GAS7: variants seen among roughly 807,000 people sequenced by gnomAD.
The protein encoded by GAS7 is growth arrest-specific protein 7.
Under a neutral mutation model 71.1 loss-of-function variants are expected in GAS7, and 28 were observed. The observed-to-expected ratio is 0.39, with a 90% CI of 0.29 to 0.54. The LOEUF is 0.54. GAS7 is among the 20% of genes least tolerant of loss of function. The pLI, the probability that GAS7 is intolerant of heterozygous loss-of-function variation, is 0.62. For synonymous variants in GAS7, 258 were observed against 245.8 expected (o/e 1.05, Z -0.46); for missense variants, 436 against 627.8 (o/e 0.69, Z 3.27).
At chr17:9,943,691 G>A (rs1420525032) in intron 6 of GAS7, among the ~76,000 whole-genome samples, 1 of 152,130 alleles carries the variant, frequency 6.6e-6, no homozygotes, top group Non-Finnish European at 1.5e-5. Flanking sequence ...TCTTACACTG[G>A]TAGGGCAGTG....
intron 1 of GAS7, among the ~76,000 whole-genome samples, chr17:10,149,088 G>A (rs142548123): frequency 3.9e-4 from 59 of 152,176 alleles, no homozygotes; most frequent in African/African-American, 1.4e-3. Flanking sequence ...TCATTTTTAT[G>A]TATTTATTTT....
chr17:10,166,438 T>G (rs1050786252), intron 1 of GAS7, among the ~76,000 whole-genome samples: 4 of 152,240 alleles, frequency 2.6e-5, no homozygotes, highest in African/African-American at 9.6e-5. Context: ...AATACCAAGT[T>G]AGGAAAATAT....
intron 1 of GAS7, among the ~76,000 whole-genome samples, chr17:10,158,345 A>AAACAAAAAAC (rs2074221907): frequency 2.7e-5 from 4 of 147,354 alleles, no homozygotes; most frequent in Admixed American, 1.3e-4. Context: ...GTAAAAAAAA[A>AAACAAAAAAC]AAAAAAAAAA....
intron 1 of GAS7, among the ~76,000 whole-genome samples, chr17:10,093,798 A>T (rs918579924): frequency 6.6e-6 from 1 of 152,138 alleles, no homozygotes. Context: ...TTCACTGAAC[A>T]CTACTACGTA....
intron 1 of GAS7, among the ~76,000 whole-genome samples, chr17:10,065,320 C>T (rs2073270533): frequency 2.0e-5 from 3 of 152,206 alleles, no homozygotes; most frequent in African/African-American, 7.2e-5. Context: ...GCCACTATAA[C>T]ACTTGGTGTC....
chr17:10,068,193 A>G (rs2073302705), intron 1 of GAS7, among the ~76,000 whole-genome samples: 1 of 152,122 alleles, frequency 6.6e-6, no homozygotes, highest in Admixed American at 6.5e-5. Context: ...GCACCCCCAT[A>G]TGCACTTGAT....
intron 1 of GAS7, among the ~76,000 whole-genome samples, chr17:10,152,002 T>G (rs1436056876): frequency 6.6e-6 from 1 of 152,142 alleles, no homozygotes; most frequent in African/African-American, 2.4e-5. Flanking sequence ...AATCCACAAG[T>G]TTAAGCCAAC....
intron 1 of GAS7, among the ~76,000 whole-genome samples, chr17:10,089,714 G>T (rs373285124): frequency 1.3e-5 from 2 of 151,932 alleles, no homozygotes; most frequent in Non-Finnish European, 2.9e-5. Context: ...GGGGAGAAAG[G>T]TAAGGAGGAG....
At chr17:9,957,125 A>C (rs1359283000) in intron 5 of GAS7, among the ~76,000 whole-genome samples, 1 of 44,378 alleles carries the variant, frequency 2.3e-5, no homozygotes, top group Non-Finnish European at 7.9e-5. Flanking sequence ...TTTCTCTGGC[A>C]AAAAAATTCT....
chr17:10,092,391 T>C (rs1025453076), intron 1 of GAS7, among the ~76,000 whole-genome samples: 1 of 152,126 alleles, frequency 6.6e-6, no homozygotes, highest in African/African-American at 2.4e-5. Flanking sequence ...ATCTAAACAG[T>C]GAGGGCAGGG....
At chr17:10,171,186 C>T (rs140907800) in intron 1 of GAS7, among the ~76,000 whole-genome samples, 2 of 152,228 alleles carry the variant, frequency 1.3e-5, no homozygotes, top group African/African-American at 2.4e-5. Context: ...TGGAAGAAAC[C>T]CAGAGGTGTT....
chr17:10,192,643 T>A (rs1412264219), intron 1 of GAS7, among the ~76,000 whole-genome samples: 3 of 152,176 alleles, frequency 2.0e-5, no homozygotes, highest in Non-Finnish European at 4.4e-5. Flanking sequence ...AGGGAACTTT[T>A]GTGAAAATGC....
At chr17:9,925,383 A>C in intron 11 of GAS7, 93 bp downstream of exon 11, 10 of 1,295,644 alleles carry the variant, frequency 7.7e-6, no homozygotes, top group African/African-American at 1.5e-5. Flanking sequence ...CTTGCAAAGG[A>C]GAGATGCACC....
chr17:10,006,968 T>C (rs371962167), intron 2 of GAS7, among the ~76,000 whole-genome samples: 1 of 152,236 alleles, frequency 6.6e-6, no homozygotes, highest in Admixed American at 6.5e-5. Flanking sequence ...TTTATGATTA[T>C]ATAACCTTTA....
chr17:10,039,625 G>C (rs1597737445), intron 1 of GAS7: 1 of 391,730 alleles, frequency 2.6e-6, no homozygotes, highest in East Asian at 7.5e-5. Context: ...AGAGGTTGTA[G>C]TGAGCCAAGA....
intron 1 of GAS7, among the ~76,000 whole-genome samples, chr17:10,180,781 T>C (rs1161632743): frequency 5.3e-5 from 8 of 152,030 alleles, no homozygotes; most frequent in Non-Finnish European, 7.4e-5. Flanking sequence ...TTATTGTTAC[T>C]TTTTTCCCCA....
At chr17:10,035,652 T>A (rs2072730855) in intron 1 of GAS7, among the ~76,000 whole-genome samples, 1 of 152,072 alleles carries the variant, frequency 6.6e-6, no homozygotes, top group Non-Finnish European at 1.5e-5. Flanking sequence ...CTCACAGCTG[T>A]ACAGAGCCTC....
At chr17:10,021,763 T>C (rs950141192) in intron 1 of GAS7, among the ~76,000 whole-genome samples, 4 of 152,212 alleles carry the variant, frequency 2.6e-5, no homozygotes, top group African/African-American at 9.6e-5. Context: ...CTCACTGCTT[T>C]GGACTCTCCA....
rs1597848153 is a variant in GAS7, at chr17:10,194,694, C to A, written c.183+3514G>T. On this transcript the variant is annotated intron_variant, in intron 1 of 13. Transcript: ENST00000432992. ...AAATGATGTTAAAAAGACTTCTCGG[C>A]CGGGCACAGTGGCTCACGCCTGTAA... 2.0e-5 allele frequency among the ~76,000 whole-genome samples: 3 copies of A among 152,142 alleles called. No homozygotes were observed. In the South Asian group the frequency reaches 6.2e-4, roughly 32 times the overall value.
Sources: allele counts gnomAD v4.1 joint callset (sites outside exome capture counted in the v4.1 genomes callset), GRCh38; gene constraint gnomAD v4.1.1; transcripts MANE v1.5; gene names NCBI Gene and HGNC (gene_info 2026-07-23, HGNC 2026-07-21).